SEC22A: variants seen among roughly 807,000 people sequenced by gnomAD.
SEC22A encodes vesicle-trafficking protein SEC22a.
A neutral mutation model predicts 35.3 loss-of-function variants in SEC22A; 22 were observed. The ratio of observed to expected loss-of-function variants is 0.62; its 90% confidence interval spans 0.45 to 0.89. The LOEUF is 0.89. Among genes scored for constraint, SEC22A ranks in the 40% least tolerant of loss-of-function variants. SEC22A has a pLI of 0.00. For missense variants in SEC22A, 354 were observed against 362.5 expected (o/e 0.98, Z 0.19); for synonymous variants, 119 against 129.5 (o/e 0.92, Z 0.55).
chr3:123,231,564 T>C (rs1183937216), intron 4 of SEC22A, among the ~76,000 whole-genome samples: 1 of 152,154 alleles, frequency 6.6e-6, no homozygotes, highest in African/African-American at 2.4e-5. Context: ...GACAGTACAT[T>C]CCTAAATAGT....
At chr3:123,233,439 C>G (rs1937357412) in intron 4 of SEC22A, among the ~76,000 whole-genome samples, 1 of 152,102 alleles carries the variant, frequency 6.6e-6, no homozygotes, top group Admixed American at 6.5e-5. Flanking sequence ...ACACATTGTT[C>G]AGAATGTATC....
chr3:123,213,243 G>C (rs964298086), intron 2 of SEC22A, among the ~76,000 whole-genome samples: 2 of 152,180 alleles, frequency 1.3e-5, no homozygotes, highest in African/African-American at 4.8e-5. Flanking sequence ...TTTAGTTTCT[G>C]TTTAATGAGG....
chr3:123,220,201 C>A (rs1937095055), intron 2 of SEC22A, among the ~76,000 whole-genome samples: 1 of 152,124 alleles, frequency 6.6e-6, no homozygotes, highest in Admixed American at 6.5e-5. Context: ...TATGGAAATA[C>A]AGTAAGACTC....
At chr3:123,242,065 CT>C (rs1222356320) in intron 4 of SEC22A, among the ~76,000 whole-genome samples, 1 of 151,962 alleles carries the variant, frequency 6.6e-6, no homozygotes, top group Non-Finnish European at 1.5e-5. Context: ...TTAGCCATAT[CT>C]TTCTTCTTGA....
chr3:123,228,642 G>A (rs945312084), intron 4 of SEC22A, among the ~76,000 whole-genome samples: 1 of 151,202 alleles, frequency 6.6e-6, no homozygotes, highest in Admixed American at 6.6e-5. Flanking sequence ...AGAGGGGACA[G>A]AATGTAGGTA....
chr3:123,227,482 G>A (rs1028873276), intron 4 of SEC22A, among the ~76,000 whole-genome samples: 6 of 152,236 alleles, frequency 3.9e-5, no homozygotes, highest in South Asian at 2.1e-4. Flanking sequence ...GGGAGGGATA[G>A]CATTAGGAGA....
intron 2 of SEC22A, among the ~76,000 whole-genome samples, chr3:123,214,565 A>G (rs1360153755): frequency 1.3e-5 from 2 of 152,234 alleles, no homozygotes; most frequent in Admixed American, 1.3e-4. Context: ...CATCTGTTTT[A>G]TAAGTCGAAG....
At chr3:123,253,173 A>T (rs892741558) in intron 5 of SEC22A, among the ~76,000 whole-genome samples, 1 of 152,204 alleles carries the variant, frequency 6.6e-6, no homozygotes, top group Non-Finnish European at 1.5e-5. Flanking sequence ...CCTGGGTCCC[A>T]TCTGCCAGTA....
chr3:123,234,588 C>CA (rs961480911), intron 4 of SEC22A, among the ~76,000 whole-genome samples: 13 of 151,038 alleles, frequency 8.6e-5, no homozygotes, highest in East Asian at 3.9e-4. Context: ...ACCCCTACCT[C>CA]AAAAAAAATA....
intron 2 of SEC22A, 87 bp downstream of exon 2, chr3:123,209,486 A>G (rs1412553677): frequency 2.3e-5 from 25 of 1,082,400 alleles, no homozygotes; most frequent in Non-Finnish European, 2.4e-5. Flanking sequence ...GAAAGGAGTG[A>G]TTAGGAAAAC....
chr3:123,212,142 A>G (rs1015923308), intron 2 of SEC22A, among the ~76,000 whole-genome samples: 2 of 152,116 alleles, frequency 1.3e-5, no homozygotes, highest in Admixed American at 6.5e-5. Flanking sequence ...TCATTCACGT[A>G]GATGTGGTTG....
At chr3:123,236,977 A>C (rs1328557155) in intron 4 of SEC22A, among the ~76,000 whole-genome samples, 5 of 152,226 alleles carry the variant, frequency 3.3e-5, no homozygotes, top group African/African-American at 1.2e-4. Flanking sequence ...AGTGGCAAGA[A>C]TAGATATCCT....
At chr3:123,220,881 C>CATAT (rs755724948) in intron 2 of SEC22A, among the ~76,000 whole-genome samples, 6 of 93,164 alleles carry the variant, frequency 6.4e-5, no homozygotes, top group African/African-American at 1.9e-4. Context: ...TATATATATA[C>CATAT]ATATATATAT....
intron 4 of SEC22A, among the ~76,000 whole-genome samples, chr3:123,243,078 C>T (rs780636699): frequency 5.4e-4 from 82 of 152,202 alleles, no homozygotes; most frequent in Non-Finnish European, 1.1e-3. Context: ...CCTTATTTCT[C>T]CCCACTTGTC....
At chr3:123,270,170 T>A (rs1938126919) in intron 6 of SEC22A, among the ~76,000 whole-genome samples, 1 of 152,196 alleles carries the variant, frequency 6.6e-6, no homozygotes, top group East Asian at 1.9e-4. Context: ...GTGAAGAGTA[T>A]ACAGTAAACA....
At chr3:123,202,596 C>T (rs75301707) in intron 1 of SEC22A, among the ~76,000 whole-genome samples, 2,012 of 152,150 alleles carry the variant, frequency 0.013, 44 homozygotes, top group African/African-American at 0.045. Context: ...GCAATTGGCT[C>T]GGCAAGTGGA....
Position 123,246,012 on chromosome 3 carries a change from C to T in SEC22A, c.655C>T (p.Gln219Ter). The change falls in exon 5 of 7, where the codon CAG (glutamine) becomes TAG (stop). Residue 219 changes from glutamine to a stop codon, truncating the protein, a stop_gained and splice_region_variant. Transcript: ENST00000492595. LOFTEE classifies it high-confidence loss of function. Reference sequence around the variant, plus strand: ...CTTTCATGCTATAGAAAGTCTCCTGCAGGTACTGTGCTATTTTTGCAATTT... The same window carrying T: ...CTTTCATGCTATAGAAAGTCTCCTGTAGGTACTGTGCTATTTTTGCAATTT... Reference protein sequence around the residue: ...RGFHAIESLLQSDGDDFNYII... With the variant: ...RGFHAIESLL 6.4e-7 allele frequency: 1 copy of T among 1,571,900 alleles called. No individual in the cohort carries two copies. Among genetic ancestry groups the T allele is most frequent in the Non-Finnish European group, 8.7e-7 (1 of 1,142,996 alleles).
At chr3:123,207,043 G>T (rs1447368343) in intron 1 of SEC22A, among the ~76,000 whole-genome samples, 1 of 152,144 alleles carries the variant, frequency 6.6e-6, no homozygotes, top group Admixed American at 6.5e-5. Flanking sequence ...AACTGAGATC[G>T]CACCACTACA....
chr3:123,217,347 G>A (rs1312148947), intron 2 of SEC22A, among the ~76,000 whole-genome samples: 3 of 151,794 alleles, frequency 2.0e-5, no homozygotes, highest in Admixed American at 2.0e-4. Flanking sequence ...ACAGGTGCCC[G>A]CCACCACACC....
Sources: gnomAD v4.1 joint callset for allele counts (sites outside exome capture counted in the v4.1 genomes callset) on GRCh38, gnomAD v4.1.1 for gene constraint, MANE v1.5 for transcripts, NCBI Gene and HGNC (gene_info 2026-07-23, HGNC 2026-07-21) for gene names.